C12orf42: variants seen among roughly 807,000 people sequenced by gnomAD.
C12orf42 encodes the protein chromosome 12 open reading frame 42.
C12orf42 carries 25 observed loss-of-function variants against 21.6 expected under a neutral mutation model. The observed-to-expected ratio is 1.16, with a 90% CI of 0.84 to 1.62. C12orf42 has a LOEUF of 1.62. C12orf42 is among the 40% of genes most tolerant of loss of function. The pLI, the probability that C12orf42 is intolerant of heterozygous loss-of-function variation, is 0.00. For missense variants in C12orf42, 483 were observed against 459.3 expected (o/e 1.05, Z -0.47); for synonymous variants, 174 against 175.0 (o/e 0.99, Z 0.05).
At chr12:103,382,442 A>G (rs2046264958) in intron 3 of C12orf42, among the ~76,000 whole-genome samples, 1 of 152,260 alleles carries the variant, frequency 6.6e-6, no homozygotes, top group African/African-American at 2.4e-5. Flanking sequence ...GACACAAAGC[A>G]GAAAAAAGTA....
chr12:103,495,557 C>T (rs950797915), intron 1 of C12orf42, among the ~76,000 whole-genome samples: 3 of 151,986 alleles, frequency 2.0e-5, no homozygotes, highest in Admixed American at 2.0e-4. Context: ...ACCATCTGCT[C>T]GCTGTCAATG....
At chr12:103,536,336 A>G in the C12orf42 span, among the ~76,000 whole-genome samples, 1 of 152,146 alleles carries the variant, frequency 6.6e-6, no homozygotes, top group African/African-American at 2.4e-5. Context: ...TTGGCTCTCT[A>G]AGTGGTAATA....
intron 4 of C12orf42, among the ~76,000 whole-genome samples, chr12:103,326,562 C>G (rs190891040): frequency 1.3e-4 from 20 of 152,300 alleles, no homozygotes; most frequent in African/African-American, 4.6e-4. Context: ...CTTTTGCACT[C>G]CACTCCAGCC....
At chr12:103,320,198 C>T (rs1441139846) in intron 4 of C12orf42, among the ~76,000 whole-genome samples, 1 of 152,220 alleles carries the variant, frequency 6.6e-6, no homozygotes, top group East Asian at 1.9e-4. Context: ...TTTGAAGCAG[C>T]AGCAGACATT....
At chr12:103,544,745 GTTCA>G in the C12orf42 span, among the ~76,000 whole-genome samples, 1 of 151,740 alleles carries the variant, frequency 6.6e-6, no homozygotes, top group Non-Finnish European at 1.5e-5. Flanking sequence ...CTATTTTTCA[GTTCA>G]TTGATTCTCT....
the C12orf42 span, among the ~76,000 whole-genome samples, chr12:103,230,383 C>T: frequency 1.3e-5 from 2 of 152,024 alleles, no homozygotes; most frequent in African/African-American, 4.8e-5. Flanking sequence ...TACTCTAGAG[C>T]AAGCTGGCTT....
chr12:103,407,713 C>A lies in C12orf42; in HGVS notation c.79-6038G>T, dbSNP rs1445539710. Among the ~76,000 whole-genome samples, 7 of 152,256 alleles carry A rather than the reference C, an allele frequency of 4.6e-5. No individual in the cohort carries two copies. In the South Asian group the frequency reaches 1.4e-3, roughly 32 times the overall value. ...TGCATGGATTTCTTATTGCACAGGG[C>A]AACCGCACCCCAACCTTCATGCTGT... On this transcript the variant is annotated intron_variant, in intron 2 of 5. Transcript: ENST00000548883.
chr12:103,139,124 C>T, the C12orf42 span, among the ~76,000 whole-genome samples: 1 of 152,064 alleles, frequency 6.6e-6, no homozygotes, highest in Non-Finnish European at 1.5e-5. Flanking sequence ...AGAAATAATA[C>T]CAAAGTGGAA....
At chr12:103,434,766 G>A (rs188753748) in intron 2 of C12orf42, among the ~76,000 whole-genome samples, 2,170 of 152,268 alleles carry the variant, frequency 0.014, 51 homozygotes, top group African/African-American at 0.049. Context: ...ACGGACTCTT[G>A]CTGATTGCTA....
chr12:103,291,191 G>A (rs867654689), intron 4 of C12orf42, among the ~76,000 whole-genome samples: 52 of 152,298 alleles, frequency 3.4e-4, no homozygotes, highest in African/African-American at 7.0e-4. Flanking sequence ...GAGAAAAGGC[G>A]TATGGCAAAT....
At chr12:103,480,584 C>T (rs1215981105) in intron 1 of C12orf42, among the ~76,000 whole-genome samples, 1 of 151,498 alleles carries the variant, frequency 6.6e-6, no homozygotes, top group East Asian at 1.9e-4. Context: ...TCTTCTAATA[C>T]TACTTTCCCT....
intron 2 of C12orf42, among the ~76,000 whole-genome samples, chr12:103,422,806 C>A (rs1193850931): frequency 2.0e-5 from 3 of 148,496 alleles, no homozygotes; most frequent in Admixed American, 1.3e-4. Flanking sequence ...ATAATCCCAA[C>A]AAAACTAAAT....
At chr12:103,175,956 T>A in the C12orf42 span, among the ~76,000 whole-genome samples, 1 of 152,314 alleles carries the variant, frequency 6.6e-6, no homozygotes, top group South Asian at 2.1e-4. Context: ...CACTGGATGC[T>A]GGACACTGGA....
the C12orf42 span, among the ~76,000 whole-genome samples, chr12:103,157,951 T>C: frequency 2.0e-5 from 3 of 152,240 alleles, no homozygotes; most frequent in African/African-American, 7.2e-5. Flanking sequence ...AATTCTGTTA[T>C]ACTCTGAAAG....
chr12:103,212,978 T>C, the C12orf42 span, among the ~76,000 whole-genome samples: 1 of 152,014 alleles, frequency 6.6e-6, no homozygotes, highest in Non-Finnish European at 1.5e-5. Context: ...TATATATATA[T>C]AATTAAGACA....
At chr12:103,191,576 A>G in the C12orf42 span, among the ~76,000 whole-genome samples, 16 of 61,722 alleles carry the variant, frequency 2.6e-4, no homozygotes, top group Admixed American at 5.1e-4. Context: ...AAAAAAAAAT[A>G]CAAAAGAGAA....
At chr12:103,055,751 A>T in the C12orf42 span, among the ~76,000 whole-genome samples, 1 of 151,970 alleles carries the variant, frequency 6.6e-6, no homozygotes, top group Admixed American at 6.6e-5. Flanking sequence ...CTGTATTTTC[A>T]ATTTCATTTG....
At chr12:103,466,139 C>T (rs1188998026) in intron 2 of C12orf42, among the ~76,000 whole-genome samples, 1 of 152,112 alleles carries the variant, frequency 6.6e-6, no homozygotes, top group East Asian at 1.9e-4. Context: ...GGTGTCACTC[C>T]TTTTCAGTTG....
intron 3 of C12orf42, among the ~76,000 whole-genome samples, chr12:103,370,770 C>G (rs575176013): frequency 1.2e-4 from 19 of 152,124 alleles, no homozygotes; most frequent in African/African-American, 4.3e-4. Flanking sequence ...GAAAAAATAC[C>G]CTATGGGATA....
Sources: allele counts gnomAD v4.1 joint callset (sites outside exome capture counted in the v4.1 genomes callset), GRCh38; gene constraint gnomAD v4.1.1; transcripts MANE v1.5; gene names NCBI Gene and HGNC (gene_info 2026-07-23, HGNC 2026-07-21).